Variants in UVSSA observed in about 807,000 individuals in gnomAD.
The protein encoded by UVSSA is UV-stimulated scaffold protein A.
Under a neutral mutation model 73.9 loss-of-function variants are expected in UVSSA, and 72 were observed. The observed-to-expected ratio is 0.97, with a 90% CI of 0.81 to 1.19. UVSSA has a LOEUF of 1.19. Among genes scored for constraint, UVSSA ranks in the 50% most tolerant of loss-of-function variants. The pLI is 0.00. For synonymous variants in UVSSA, 454 were observed against 391.3 expected (o/e 1.16, Z -1.89); for missense variants, 1,150 against 965.0 (o/e 1.19, Z -2.54).
chr4:1,380,598 T>G (rs1161401139), intron 11 of UVSSA: 1 of 1,473,934 alleles, frequency 6.8e-7, no homozygotes, highest in Non-Finnish European at 9.1e-7. Flanking sequence ...CTGGGCATGG[T>G]GCAGGGGGGT....
Position 1,349,722 on chromosome 4 carries a change from GCCGCCCCCCA to G in UVSSA, c.298_307del (p.Pro100GlyfsTer7). The G allele has an allele frequency of 1.2e-6, 2 of 1,613,794 alleles. No homozygotes were observed. Among genetic ancestry groups the G allele is most frequent in the Non-Finnish European group, 1.7e-6 (2 of 1,179,900 alleles). On this transcript the variant is annotated frameshift_variant, in exon 3 of 14. Coordinates refer to ENST00000389851, the MANE Select transcript of UVSSA (RefSeq NM_020894.4). LOFTEE classifies it high-confidence loss of function. Reference sequence around the variant, plus strand: ...TGGGCACAGACCCCGCACAGCCTCTGCCGCCCCCCAGGGAGGCGGCACAGAGGCTGAGGCA... The same window carrying G: ...TGGGCACAGACCCCGCACAGCCTCTGGGGAGGCGGCACAGAGGCTGAGGCA...
chr4:1,366,500 G>C, intron 8 of UVSSA, 69 bp downstream of exon 8: 1 of 1,215,574 alleles, frequency 8.2e-7, no homozygotes, highest in Non-Finnish European at 1.2e-6. Context: ...GGCCCCTTGG[G>C]GTCATGACCT....
intron 12 of UVSSA, among the ~76,000 whole-genome samples, chr4:1,382,501 T>G (rs1719626410): frequency 6.6e-6 from 1 of 152,228 alleles, no homozygotes; most frequent in Non-Finnish European, 1.5e-5. Context: ...GGTCCCAGCA[T>G]CTATTGATTT....
rs1363166591 is a variant in UVSSA at position 1,347,680 on chromosome 4, C to G, written c.-83C>G. 2 of 165,584 alleles carry G rather than the reference C, an allele frequency of 1.2e-5. No individual in the cohort carries two copies. The highest frequency in any genetic ancestry group is 4.8e-5 in the African/African-American group (2 of 41,566). The allele number at this position is 165,584 out of a possible 1,614,324, so 10.3% of individuals were successfully genotyped here. A position where few individuals can be genotyped will look rare whatever the true frequency, so the allele number is the denominator to read the frequency against. ...GTTAGGGCCGCCCCTGCTCTCCGGA[C>G]GCGACTTTTCATTGGTCTCAGAATT... On this transcript the variant is annotated 5_prime_UTR_variant, in exon 1 of 14. Coordinates refer to ENST00000389851, the MANE Select transcript of UVSSA (RefSeq NM_020894.4).
chr4:1,360,213 G>T (rs575953319), intron 7 of UVSSA, among the ~76,000 whole-genome samples: 13 of 152,368 alleles, frequency 8.5e-5, no homozygotes, highest in African/African-American at 2.9e-4. Flanking sequence ...GTTCTCTGGA[G>T]TCAGCACAGG....
upstream of UVSSA, among the ~76,000 whole-genome samples, chr4:1,345,618 C>T (rs923145651): frequency 5.3e-5 from 7 of 131,472 alleles, no homozygotes; most frequent in Non-Finnish European, 1.1e-4. Flanking sequence ...GCACTCCAGC[C>T]TGGGTGACAA....
chr4:1,354,941 G>T, intron 6 of UVSSA, 94 bp downstream of exon 6: 1 of 1,536,784 alleles, frequency 6.5e-7, no homozygotes, highest in Non-Finnish European at 8.8e-7. Context: ...GTGGCCCGGT[G>T]ACTGAATGGC....
chr4:1,356,698 T>A (rs1715821963), intron 7 of UVSSA: 2 of 152,264 alleles, frequency 1.3e-5, no homozygotes, highest in South Asian at 4.1e-4. Context: ...ACCGGGCCCC[T>A]ATGCCAGCCC....
intron 8 of UVSSA, 43 bp downstream of exon 8, chr4:1,366,474 C>T (rs761753800): frequency 2.7e-6 from 4 of 1,498,738 alleles, no homozygotes; most frequent in Non-Finnish European, 2.7e-6. Flanking sequence ...GGTGGAGGGT[C>T]CCCCACTCAG....
intron 7 of UVSSA, among the ~76,000 whole-genome samples, chr4:1,360,713 A>T (rs1029269406): frequency 1.3e-5 from 2 of 152,158 alleles, no homozygotes; most frequent in Non-Finnish European, 2.9e-5. Flanking sequence ...AGAGCCCGGG[A>T]GCAAGGACAC....
Position 1,353,108 on chromosome 4 carries a change from C to G in UVSSA, c.629C>G (p.Pro210Arg). The stretch of plus-strand genomic sequence containing the variant: ...CTGCTGGTGCCTTTTGACTTTGACC[C>G]GAACCCGGAGACGGAATCCCTTGGC... ...FRLLVPFDFDPNPETESLGMA... is the reference protein window; with the variant it reads ...FRLLVPFDFDRNPETESLGMA... Residue 210 changes from proline (P) to arginine (R), a missense_variant, in exon 5 of 14, where the codon CCG becomes CGG. Transcript: ENST00000389851. The G allele has an allele frequency of 6.2e-7, 1 of 1,613,072 alleles. No individual in the cohort carries two copies. The highest frequency in any genetic ancestry group is 1.6e-4 in the Middle Eastern group (1 of 6,062).
chr4:1,342,569 AT>A (rs1240523783), upstream of UVSSA, among the ~76,000 whole-genome samples: 1 of 152,170 alleles, frequency 6.6e-6, no homozygotes, highest in Non-Finnish European at 1.5e-5. Context: ...TAAAAAAAAA[AT>A]CTGCCTATTC....
chr4:1,361,710 A>G (rs1286358005), intron 7 of UVSSA, among the ~76,000 whole-genome samples: 2 of 152,274 alleles, frequency 1.3e-5, no homozygotes, highest in Admixed American at 1.3e-4. Context: ...GCATATAAAT[A>G]GCAGATGCAA....
rs750274834 is a variant in UVSSA at position 1,385,998 on chromosome 4, T to C, written c.*37T>C. The stretch of plus-strand genomic sequence containing the variant: ...CAGTGCACTGGCCATCAGCACTTTC[T>C]CCCTCTGCCAGTGTCTCAGGACAGC... On this transcript the variant is annotated 3_prime_UTR_variant, in exon 14 of 14. Coordinates refer to ENST00000389851, the MANE Select transcript of UVSSA (RefSeq NM_020894.4). 3 of 1,606,016 alleles carry C rather than the reference T, an allele frequency of 1.9e-6. No individual in the cohort carries two copies. Among genetic ancestry groups the C allele is most frequent in the Non-Finnish European group, 2.6e-6 (3 of 1,172,978 alleles).
In UVSSA at chr4:1,375,350, C is replaced by T. The variant is rs746423698; in HGVS notation, c.1289-14C>T. On this transcript the variant is annotated splice_polypyrimidine_tract_variant and intron_variant, in intron 8 of 13. Coordinates refer to ENST00000389851, the MANE Select transcript of UVSSA (RefSeq NM_020894.4). The stretch of plus-strand genomic sequence containing the variant: ...TGGGAGTGGTGGCAGGGAGTGGACA[C>T]GTGTCTGTTTCAGGGCTGGAGGCAG... The T allele has an allele frequency of 7.4e-6, 12 of 1,612,186 alleles. No individual in the cohort carries two copies. The South Asian group carries it at 7.7e-5, about 10-fold the overall frequency.
chr4:1,350,893 T>G (rs1714615078), intron 3 of UVSSA, among the ~76,000 whole-genome samples: 1 of 152,176 alleles, frequency 6.6e-6, no homozygotes, highest in Admixed American at 6.5e-5. Flanking sequence ...TAGCTCTAGT[T>G]TTTGTTGTTG....
chr4:1,361,636 C>T (rs528931122), intron 7 of UVSSA, among the ~76,000 whole-genome samples: 3 of 152,354 alleles, frequency 2.0e-5, no homozygotes, highest in South Asian at 2.1e-4. Context: ...CCCTGGCAGC[C>T]GGAGATGCAC....
At chr4:1,345,218 G>T (rs983247761), upstream of UVSSA, among the ~76,000 whole-genome samples, 12 of 152,160 alleles carry the variant, frequency 7.9e-5, no homozygotes, top group African/African-American at 2.9e-4. Flanking sequence ...AGTGGGACGT[G>T]CTCAGATCTG....
Position 1,380,169 on chromosome 4 carries a change from A to G in UVSSA, c.1691A>G (p.Gln564Arg). Residue 564 changes from glutamine (Q) to arginine (R), a missense_variant, in exon 11 of 14, where the codon CAG becomes CGG. Transcript: ENST00000389851. ...ITFAGKFEPV[Q>R]HWCRAPRPDG... ...TTTGCCGGGAAGTTTGAGCCTGTGCAGCACTGGTGCCGTGCCCCGAGGCCA... is the reference window on the plus strand; with the variant it reads ...TTTGCCGGGAAGTTTGAGCCTGTGCGGCACTGGTGCCGTGCCCCGAGGCCA... 6.2e-7 allele frequency: 1 copy of G among 1,613,112 alleles called. No individual in the cohort carries two copies. The highest frequency in any genetic ancestry group is 8.5e-7 in the Non-Finnish European group (1 of 1,180,008).
Sources: gnomAD v4.1 joint callset for allele counts (sites outside exome capture counted in the v4.1 genomes callset) on GRCh38, gnomAD v4.1.1 for gene constraint, MANE v1.5 for transcripts, NCBI Gene and HGNC (gene_info 2026-07-23, HGNC 2026-07-21) for gene names.